Variants in RANBP2 observed in about 807,000 individuals in gnomAD.
The protein encoded by RANBP2 is E3 SUMO-protein ligase RanBP2.
A neutral mutation model predicts 303.6 loss-of-function variants in RANBP2; 57 were observed. That is an observed-to-expected ratio of 0.19 (90% CI 0.15 to 0.23). RANBP2 has a LOEUF of 0.23. Ranked by LOEUF, RANBP2 falls within the 10% of genes least tolerant of loss-of-function variation. RANBP2 has a pLI of 1.00. For synonymous variants in RANBP2, 1,167 were observed against 1,301.5 expected, an observed-to-expected ratio of 0.90 and a Z score of 2.23; for missense variants, 3,138 against 3,780.8, an observed-to-expected ratio of 0.83 and a Z score of 4.46.
chr2:109,240,442 C>T, the RANBP2 span, among the ~76,000 whole-genome samples: 5 of 152,084 alleles, frequency 3.3e-5, no homozygotes, highest in Admixed American at 6.5e-5. Context: ...GAGCCAAGAT[C>T]GCACCTCTGC....
At chr2:109,687,821 C>T in the RANBP2 span, among the ~76,000 whole-genome samples, 1 of 150,924 alleles carries the variant, frequency 6.6e-6, no homozygotes, top group African/African-American at 2.4e-5. Flanking sequence ...TGGCTCACTG[C>T]AGCCTCAGAC....
chr2:108,930,045 G>C, the RANBP2 span: 59 of 1,529,300 alleles, frequency 3.9e-5, no homozygotes, highest in Non-Finnish European at 5.1e-5. Context: ...AGCAAGGCAG[G>C]CTCAGGGCAA....
the RANBP2 span, among the ~76,000 whole-genome samples, chr2:109,598,742 C>A: frequency 6.6e-6 from 1 of 152,006 alleles, no homozygotes; most frequent in South Asian, 2.1e-4. Context: ...ACTCAGGAGG[C>A]TAGGTTCAAT....
chr2:109,674,354 G>A, the RANBP2 span, among the ~76,000 whole-genome samples: 7 of 135,076 alleles, frequency 5.2e-5, no homozygotes, highest in East Asian at 9.0e-4. Context: ...CATGAAGATC[G>A]CTTGAGCTCA....
chr2:109,020,657 A>G, the RANBP2 span, among the ~76,000 whole-genome samples: 1 of 152,218 alleles, frequency 6.6e-6, no homozygotes, highest in Non-Finnish European at 1.5e-5. Context: ...GAGGTGTGAC[A>G]ACACCAGGAG....
the RANBP2 span, among the ~76,000 whole-genome samples, chr2:109,118,961 C>A: frequency 6.6e-6 from 1 of 152,104 alleles, no homozygotes; most frequent in East Asian, 1.9e-4. Context: ...TGGTGTGAAA[C>A]CAGGATGGTT....
the RANBP2 span, among the ~76,000 whole-genome samples, chr2:109,105,377 T>C: frequency 2.6e-5 from 4 of 152,168 alleles, no homozygotes; most frequent in East Asian, 5.8e-4. Flanking sequence ...ACTGTGCATG[T>C]GGACAACCTA....
chr2:109,662,290 C>G, the RANBP2 span, among the ~76,000 whole-genome samples: 1 of 152,058 alleles, frequency 6.6e-6, no homozygotes, highest in Admixed American at 6.6e-5. Context: ...ATATTTCTTT[C>G]TTTCTTTTTT....
chr2:109,657,712 GAGTTTTT>G, the RANBP2 span, among the ~76,000 whole-genome samples: 1 of 130,196 alleles, frequency 7.7e-6, no homozygotes. Flanking sequence ...TGAATTAGCT[GAGTTTTT>G]TTTTTTTTTT....
chr2:109,357,460 C>T, the RANBP2 span, among the ~76,000 whole-genome samples: 10 of 152,314 alleles, frequency 6.6e-5, no homozygotes, highest in South Asian at 1.0e-3. Context: ...GGATTACAGG[C>T]GTGAGCCACC....
the RANBP2 span, among the ~76,000 whole-genome samples, chr2:109,174,387 C>T: frequency 6.6e-6 from 1 of 152,182 alleles, no homozygotes; most frequent in African/African-American, 2.4e-5. Context: ...TTTTTCTATA[C>T]CATACCTCAT....
chr2:109,700,063 C>G, the RANBP2 span, among the ~76,000 whole-genome samples: 1 of 152,152 alleles, frequency 6.6e-6, no homozygotes, highest in African/African-American at 2.4e-5. Flanking sequence ...TGGGTGGAGG[C>G]TGACATTCTG....
chr2:108,828,289 CAAAAT>C, the RANBP2 span, among the ~76,000 whole-genome samples: 3 of 151,782 alleles, frequency 2.0e-5, no homozygotes, highest in Non-Finnish European at 4.4e-5. Context: ...GTAAAAATAA[CAAAAT>C]GAAGACTATA....
chr2:108,913,036 C>T, the RANBP2 span, among the ~76,000 whole-genome samples: 1 of 151,242 alleles, frequency 6.6e-6, no homozygotes, highest in South Asian at 2.1e-4. Context: ...GCAAGCTCTG[C>T]CTCCCTGGTT....
At chr2:109,629,407 A>G in the RANBP2 span, among the ~76,000 whole-genome samples, 3 of 143,066 alleles carry the variant, frequency 2.1e-5, no homozygotes, top group Admixed American at 1.5e-4. Context: ...AGCTTGAAAA[A>G]TTGTAAATCT....
the RANBP2 span, among the ~76,000 whole-genome samples, chr2:109,159,977 G>A: frequency 6.6e-6 from 1 of 152,160 alleles, no homozygotes. Context: ...GAAATAAAGT[G>A]CACAATAAAT....
At chr2:109,603,518 C>T in the RANBP2 span, among the ~76,000 whole-genome samples, 3 of 151,906 alleles carry the variant, frequency 2.0e-5, no homozygotes, top group African/African-American at 4.8e-5. Context: ...GGATTACAGG[C>T]GTGCACCACC....
chr2:109,051,692 A>C, the RANBP2 span, among the ~76,000 whole-genome samples: 1 of 152,200 alleles, frequency 6.6e-6, no homozygotes, highest in Admixed American at 6.5e-5. Context: ...TGGCTAAGAC[A>C]GCAATGTCTC....
At chr2:108,981,064 T>A in the RANBP2 span, among the ~76,000 whole-genome samples, 20 of 152,304 alleles carry the variant, frequency 1.3e-4, 1 homozygote, top group Admixed American at 1.2e-3. Flanking sequence ...GGACTTCCAA[T>A]GTGCTCACGG....
Sources: gnomAD v4.1 joint callset for allele counts (sites outside exome capture counted in the v4.1 genomes callset) on GRCh38, gnomAD v4.1.1 for gene constraint, MANE v1.5 for transcripts, NCBI Gene and HGNC (gene_info 2026-07-23, HGNC 2026-07-21) for gene names.